Variants in SATB1 observed in about 807,000 individuals in gnomAD.
The protein encoded by SATB1 is SATB homeobox 1.
SATB1 carries 11 observed loss-of-function variants against 86.9 expected under a neutral mutation model. That is an observed-to-expected ratio of 0.13 (90% CI 0.08 to 0.21). The LOEUF (loss-of-function observed/expected upper bound fraction) is 0.21. SATB1 is among the 10% of genes least tolerant of loss of function. The pLI is 1.00. For missense variants in SATB1, 551 were observed against 937.6 expected, an observed-to-expected ratio of 0.59 and a Z score of 5.39; for synonymous variants, 357 against 357.2, an observed-to-expected ratio of 1.00 and a Z score of 0.01.
intron 9 of SATB1, among the ~76,000 whole-genome samples, chr3:18,355,547 T>C (rs1694588620): frequency 2.0e-5 from 3 of 151,972 alleles, no homozygotes; most frequent in Admixed American, 2.0e-4. Flanking sequence ...ACAAAAATAA[T>C]GATTCCCCAA....
chr3:18,415,468 C>G (rs1266242068), intron 4 of SATB1, among the ~76,000 whole-genome samples: 1 of 152,104 alleles, frequency 6.6e-6, no homozygotes, highest in Non-Finnish European at 1.5e-5. Flanking sequence ...TTACTTCTAC[C>G]TTCCTGCTCT....
Position 18,397,164 on chromosome 3 carries a change from G to GT in SATB1, c.751+14dup, listed in dbSNP as rs1553621875. On this transcript the variant is annotated intron_variant, in intron 6 of 10. Transcript: ENST00000338745. ...AATGGTATGTAGCCACTGCTGCAAT[G>GT]TTTTTTTTGCTTACCCATCATATCT... is the stretch of plus-strand genomic sequence containing the variant. 1.5e-4 allele frequency: 211 copies of GT among 1,408,976 alleles called. No individual in the cohort carries two copies. The highest frequency in any genetic ancestry group is 1.8e-4 in the Non-Finnish European group (177 of 993,788). The allele number at this position is 1,408,976 out of a possible 1,614,324, so 87.3% of individuals were successfully genotyped here.
chr3:18,427,358 C>A (rs1698743290), upstream of SATB1, among the ~76,000 whole-genome samples: 8 of 152,102 alleles, frequency 5.3e-5, no homozygotes, highest in South Asian at 1.7e-3. Flanking sequence ...CAAACAATAG[C>A]AACATTTAAA....
Position 18,348,940 on chromosome 3 carries a change from C to A in SATB1, c.*230G>T. On this transcript the variant is annotated 3_prime_UTR_variant, in exon 11 of 11. Transcript: ENST00000338745. ...CATCCCGTGAACACAAATTTTAATA[C>A]CAAACAATCCTTGATGCTTCACCTG... 1.6e-6 allele frequency: 1 copy of A among 624,342 alleles called. No individual in the cohort carries two copies. Among genetic ancestry groups the A allele is most frequent in the Admixed American group, 3.4e-5 (1 of 29,580 alleles). 38.7% of individuals were successfully genotyped at this position (624,342 alleles called of 1,614,324 possible).
Position 18,363,325 on chromosome 3 carries a change from A to T in SATB1, c.1576-11130T>A, listed in dbSNP as rs909065926. Among the ~76,000 whole-genome samples, 7 of 152,160 alleles carry T rather than the reference A, an allele frequency of 4.6e-5. No homozygotes were observed. The East Asian group carries it at 1.3e-3, about 29-fold the overall frequency. On this transcript the variant is annotated intron_variant, in intron 9 of 10. Transcript: ENST00000338745. ...TCCATTATACAAACTTGCTAATCAG[A>T]AGTTGGCTTAATTTGAAAGACCCAA...
chr3:18,368,198 C>T (rs537307008), intron 9 of SATB1, among the ~76,000 whole-genome samples: 4 of 152,122 alleles, frequency 2.6e-5, no homozygotes, highest in Non-Finnish European at 5.9e-5. Context: ...GAGGTGATAT[C>T]TGTACTCATC....
intron 9 of SATB1, among the ~76,000 whole-genome samples, chr3:18,357,464 T>C (rs1694701115): frequency 6.6e-6 from 1 of 151,698 alleles, no homozygotes; most frequent in Non-Finnish European, 1.5e-5. Context: ...TTTTCTACTT[T>C]TAAAAGAATC....
In SATB1 at chr3:18,349,162, C is replaced by A. The variant is rs957711562; in HGVS notation, c.*8G>T. On this transcript the variant is annotated 3_prime_UTR_variant, in exon 11 of 11. Transcript: ENST00000338745. The surrounding 1 kb of genome is among the most constrained non-coding windows in gnomAD (Gnocchi z 5.5). Reference sequence around the variant, plus strand: ...GTGGCACTGTTGAACGAAACAAATACTTTTATCTCAGTCTTTCAAATCAGT... The same window carrying A: ...GTGGCACTGTTGAACGAAACAAATAATTTTATCTCAGTCTTTCAAATCAGT... The A allele has an allele frequency of 1.2e-6, 2 of 1,611,750 alleles. No individual in the cohort carries two copies. The highest frequency in any genetic ancestry group is 1.7e-6 in the Non-Finnish European group (2 of 1,178,766).
intron 1 of SATB1, chr3:18,421,337 A>G: frequency 5.3e-6 from 1 of 187,328 alleles, no homozygotes; most frequent in Non-Finnish European, 1.1e-5. Flanking sequence ...CGTAGTCCCA[A>G]TTTTTAACAA....
chr3:18,375,213 C>A (rs570055911), intron 9 of SATB1, among the ~76,000 whole-genome samples: 3 of 152,222 alleles, frequency 2.0e-5, no homozygotes, highest in Admixed American at 2.0e-4. Context: ...TGCCTTGAAC[C>A]CTGAAGACAG....
Position 18,386,309 on chromosome 3 carries a change from A to C in SATB1, c.1419+90T>G. ...AATTTAAAAACATATAAATCTATGT[A>C]TCTATCTATCTAATTTCTTATTGAG... On this transcript the variant is annotated intron_variant, in intron 8 of 10. Coordinates refer to ENST00000338745, the MANE Select transcript of SATB1 (RefSeq NM_002971.6). The surrounding 1 kb of genome is among the most constrained non-coding windows in gnomAD (Gnocchi z 4.5). 4 of 964,790 alleles carry C rather than the reference A, an allele frequency of 4.1e-6. No individual in the cohort carries two copies. Among genetic ancestry groups the C allele is most frequent in the Non-Finnish European group, 6.4e-6 (4 of 625,450 alleles). The allele number at this position is 964,790 out of a possible 1,614,324, so 59.8% of individuals were successfully genotyped here.
In SATB1 at chr3:18,386,638, A is replaced by C; in HGVS notation, c.1207-27T>G. On this transcript the variant is annotated intron_variant, in intron 7 of 10. Coordinates refer to ENST00000338745, the MANE Select transcript of SATB1 (RefSeq NM_002971.6). This position sits in a 1 kb window ranked among gnomAD's most constrained non-coding sequence, Gnocchi z 4.5. ...TGCAAGAAATGAAAGGCACAGGGTG[A>C]GCCTGCTGCCTTGCTTTGCCTGGCC... 6.3e-7 allele frequency: 1 copy of C among 1,583,800 alleles called. No individual in the cohort carries two copies.
Position 18,348,347 on chromosome 3 carries a change from C to G in SATB1, c.*823G>C, listed in dbSNP as rs1694166261. ...GGCAACTGTGTAAAGCACATTTTCTCTATTTAAAACTTTTAAGACACTTTG... is the reference window on the plus strand; with the variant it reads ...GGCAACTGTGTAAAGCACATTTTCTGTATTTAAAACTTTTAAGACACTTTG... On this transcript the variant is annotated 3_prime_UTR_variant, in exon 11 of 11. Transcript: ENST00000338745. 6.6e-6 allele frequency: 1 copy of G among 152,564 alleles called. No individual in the cohort carries two copies. Among genetic ancestry groups the G allele is most frequent in the Non-Finnish European group, 1.5e-5 (1 of 68,020 alleles). 9.5% of individuals were successfully genotyped at this position (152,564 alleles called of 1,614,324 possible).
chr3:18,420,895 C>G lies in SATB1; in HGVS notation c.73G>C (p.Gly25Arg). 1 of 1,614,176 alleles carries G rather than the reference C, an allele frequency of 6.2e-7. No homozygotes were observed. Among genetic ancestry groups the G allele is most frequent in the Non-Finnish European group, 8.5e-7 (1 of 1,180,034 alleles). The change falls in exon 2 of 11, where the codon GGT becomes CGT. Residue 25 changes from glycine to arginine, a missense_variant. Coordinates refer to ENST00000338745, the MANE Select transcript of SATB1 (RefSeq NM_002971.6). Reference protein sequence around the residue: ...EMSNNVSDPKGPPAKIARLEQ... With the variant: ...EMSNNVSDPKRPPAKIARLEQ... ...AGGCGGGCAATCTTGGCTGGTGGAC[C>G]CTTCGGATCACTCACATTGTTAGAC... is the stretch of plus-strand genomic sequence containing the variant.
Position 18,421,010 on chromosome 3 carries a change from A to G in SATB1, c.-24-19T>C. On this transcript the variant is annotated intron_variant, in intron 1 of 10. Transcript: ENST00000338745. ...AGATCACCTGCCAGAATTTAAAAAG[A>G]AGACACGTTATAGTTGGGCGGGGAC... 1 of 1,590,562 alleles carries G rather than the reference A, an allele frequency of 6.3e-7. No homozygotes were observed. The highest frequency in any genetic ancestry group is 8.6e-7 in the Non-Finnish European group (1 of 1,158,918).
chr3:18,434,604 A>C (rs1371048107), intron 2 of SATB1, among the ~76,000 whole-genome samples: 1 of 151,986 alleles, frequency 6.6e-6, no homozygotes, highest in Admixed American at 6.6e-5. Flanking sequence ...AGTGGAGAAA[A>C]GATAGAGAAA....
At chr3:18,398,676 G>T (rs573724454) in intron 5 of SATB1, among the ~76,000 whole-genome samples, 1 of 151,992 alleles carries the variant, frequency 6.6e-6, no homozygotes, top group Non-Finnish European at 1.5e-5. Context: ...AGCTGGAGTC[G>T]CATTATTTAT....
rs1479773203 is a variant in SATB1, at chr3:18,347,529, A to G, written c.*1641T>C. 1 of 151,850 alleles carries G rather than the reference A, an allele frequency of 6.6e-6. No individual in the cohort carries two copies. Among genetic ancestry groups the G allele is most frequent in the Non-Finnish European group, 1.5e-5 (1 of 67,942 alleles). 9.4% of individuals were successfully genotyped at this position (151,850 alleles called of 1,614,324 possible). A position where few individuals can be genotyped will look rare whatever the true frequency, so the allele number is the denominator to read the frequency against. On this transcript the variant is annotated 3_prime_UTR_variant, in exon 11 of 11. Transcript: ENST00000338745. ...TAAGGGGTTTTTATACAGAAGGTCC[A>G]TTTTTTCCCCTACTTATTTTGTTAC...
At chr3:18,419,447 A>G (rs1236982254) in intron 2 of SATB1, among the ~76,000 whole-genome samples, 10 of 152,224 alleles carry the variant, frequency 6.6e-5, no homozygotes, top group Non-Finnish European at 1.2e-4. Context: ...CACGTCTGCC[A>G]TAAGGAGCAG....
Sources: gnomAD v4.1 joint callset for allele counts (sites outside exome capture counted in the v4.1 genomes callset) on GRCh38, gnomAD v4.1.1 for gene constraint, Gnocchi (gnomAD v3.1) non-coding constraint, MANE v1.5 for transcripts, NCBI Gene and HGNC (gene_info 2026-07-23, HGNC 2026-07-21) for gene names.